The following RPS9 variants were observed in gnomAD, a reference collection of about 807,000 sequenced individuals.
RPS9 encodes small ribosomal subunit protein uS4.
In RPS9, 1 loss-of-function variant was observed where a neutral mutation model predicts 16.9. The ratio of observed to expected loss-of-function variants is 0.06; its 90% CI spans 0.02 to 0.28. RPS9 has a LOEUF of 0.28. RPS9 is among the 10% of genes least tolerant of loss of function. The pLI is 1.00. For missense variants in RPS9, 137 were observed against 273.2 expected (o/e 0.50, Z 3.51); for synonymous variants, 106 against 110.9 (o/e 0.96, Z 0.28).
intron 3 of RPS9, chr19:54,203,160 G>C: frequency 2.2e-6 from 2 of 924,216 alleles, no homozygotes; most frequent in Non-Finnish European, 2.6e-6. Flanking sequence ...TCTGGACATA[G>C]ATCCTAATTG....
intron 1 of RPS9, 103 bp from the exon 2 acceptor site, chr19:54,201,057 A>G: frequency 5.3e-6 from 8 of 1,504,630 alleles, no homozygotes; most frequent in Non-Finnish European, 7.1e-6. Context: ...GTTGGAGGTT[A>G]TTCTCGCGAG....
chr19:54,202,559 G>C, intron 3 of RPS9: 1 of 981,708 alleles, frequency 1.0e-6, no homozygotes, highest in Non-Finnish European at 1.2e-6. Flanking sequence ...ACTAATTGTG[G>C]TGAAATACAC....
intron 3 of RPS9, chr19:54,201,887 T>G: frequency 4.0e-6 from 2 of 496,426 alleles, no homozygotes; most frequent in Admixed American, 7.2e-5. Flanking sequence ...CCCGTCTATA[T>G]CTTTATATTC....
intron 4 of RPS9, chr19:54,206,778 G>T: frequency 7.1e-7 from 1 of 1,416,212 alleles, no homozygotes; most frequent in Non-Finnish European, 9.3e-7. Context: ...CACCTCGCTT[G>T]GGTGGTGGGT....
intron 3 of RPS9, chr19:54,202,657 T>A: frequency 1.0e-6 from 1 of 985,430 alleles, no homozygotes; most frequent in Non-Finnish European, 1.2e-6. Flanking sequence ...TACAGCAGAT[T>A]GGCATGACCA....
At chr19:54,207,263 G>A (rs2077274823) in intron 4 of RPS9, 135 bp from the exon 5 acceptor site, 1 of 696,632 alleles carries the variant, frequency 1.4e-6, no homozygotes, top group Non-Finnish European at 2.4e-6. Context: ...AGGATCAGGT[G>A]CACCCTTCCT....
At chr19:54,203,237 GCA>G (rs1368750094) in intron 3 of RPS9, 2 of 981,478 alleles carry the variant, frequency 2.0e-6, no homozygotes, top group East Asian at 2.3e-4. Flanking sequence ...GTTTTCCAAG[GCA>G]GAAGTGAAAA....
chr19:54,204,314 G>A (rs374234562), intron 3 of RPS9, among the ~76,000 whole-genome samples: 59 of 152,292 alleles, frequency 3.9e-4, no homozygotes, highest in African/African-American at 1.4e-3. Context: ...GCAGTGAGCC[G>A]AGATCACGCC....
chr19:54,201,332 G>A (rs1268871889), intron 2 of RPS9, 51 bp downstream of exon 2: 2 of 1,613,426 alleles, frequency 1.2e-6, no homozygotes, highest in Non-Finnish European at 1.7e-6. Flanking sequence ...GAGGCGGTTA[G>A]CACGTGGATG....
At chr19:54,206,657 A>G in intron 4 of RPS9, 195 bp downstream of exon 4, 1 of 1,548,994 alleles carries the variant, frequency 6.5e-7, no homozygotes, top group Non-Finnish European at 8.7e-7. Flanking sequence ...AGCCCAGCGC[A>G]AGGGTCACTG....
At chr19:54,203,750 G>A (rs1441682465) in intron 3 of RPS9, among the ~76,000 whole-genome samples, 1 of 151,372 alleles carries the variant, frequency 6.6e-6, no homozygotes, top group Non-Finnish European at 1.5e-5. Context: ...GGGTGACAGC[G>A]AGACACAAAA....
intron 3 of RPS9, 97 bp downstream of exon 3, chr19:54,201,706 A>C: frequency 6.4e-7 from 1 of 1,550,832 alleles, no homozygotes; most frequent in Non-Finnish European, 8.7e-7. Flanking sequence ...GAGTTGTGTC[A>C]TTGGATAAAT....
At chr19:54,202,576 T>C (rs2077096537) in intron 3 of RPS9, 1 of 984,280 alleles carries the variant, frequency 1.0e-6, no homozygotes, top group Non-Finnish European at 1.2e-6. Context: ...ACACATTAAA[T>C]TGAAAATGTA....
chr19:54,203,280 G>A, intron 3 of RPS9: 1 of 985,364 alleles, frequency 1.0e-6, no homozygotes. Flanking sequence ...GTTCAGGTGA[G>A]TACACTTTCT....
In RPS9 at chr19:54,203,408, C is replaced by T. The variant is rs10409469; in HGVS notation, c.220+1799C>T. On this transcript the variant is annotated intron_variant, in intron 3 of 4. Transcript: ENST00000302907. ...CTTTCCCACTAAGATGTGTGACTAGCGAGATTCTGAGTCTCGTCTGTTAAG... is the reference window on the plus strand; with the variant it reads ...CTTTCCCACTAAGATGTGTGACTAGTGAGATTCTGAGTCTCGTCTGTTAAG... 3,872 of 666,902 alleles carry T rather than the reference C, an allele frequency of 5.8e-3. 126 individuals carry two copies. In the African/African-American group the frequency reaches 0.065, roughly 11 times the overall value. 41.3% of individuals were successfully genotyped at this position (666,902 alleles called of 1,614,324 possible).
chr19:54,206,782 G>C (rs1465836162), intron 4 of RPS9: 1 of 1,406,340 alleles, frequency 7.1e-7, no homozygotes, highest in Non-Finnish European at 9.3e-7. Context: ...TCGCTTGGGT[G>C]GTGGGTTCAG....
chr19:54,206,199 A>C (rs975615386), intron 3 of RPS9, 77 bp from the exon 4 acceptor site: 9 of 1,458,154 alleles, frequency 6.2e-6, no homozygotes, highest in African/African-American at 1.4e-5. Context: ...GGAGCTACCA[A>C]GAGGCGGAGC....
intron 3 of RPS9, chr19:54,202,293 C>T: frequency 5.8e-6 from 2 of 343,230 alleles, no homozygotes; most frequent in Non-Finnish European, 8.2e-6. Flanking sequence ...TCAAGCGATT[C>T]TCCTGTCTTA....
intron 4 of RPS9, chr19:54,206,710 T>G: frequency 4.0e-6 from 6 of 1,506,234 alleles, no homozygotes; most frequent in Non-Finnish European, 5.3e-6. Flanking sequence ...GCCAGGCATG[T>G]GGGCAGCTGG....
Sources: allele counts gnomAD v4.1 joint callset (sites outside exome capture counted in the v4.1 genomes callset), GRCh38; gene constraint gnomAD v4.1.1; transcripts MANE v1.5; gene names NCBI Gene and HGNC (gene_info 2026-07-23, HGNC 2026-07-21).